Variants in DPF3 observed in about 807,000 individuals in gnomAD.
DPF3 encodes the protein zinc finger protein DPF3.
In DPF3, 18 loss-of-function variants were observed where a neutral mutation model predicts 56.8. The observed-to-expected ratio is 0.32, with a 90% CI of 0.22 to 0.47. The LOEUF (loss-of-function observed/expected upper bound fraction) is 0.47. DPF3 is among the 20% of genes least tolerant of loss of function. The probability of loss-of-function intolerance (pLI) is 1.00; values close to 1 mark genes in which losing one functional copy is unlikely to be tolerated. For synonymous variants in DPF3, 188 were observed against 180.2 expected (o/e 1.04, Z -0.35); for missense variants, 403 against 488.8 (o/e 0.82, Z 1.65).
rs1004246204 is a variant in DPF3 at position 72,834,507 on chromosome 14, A to G, written c.32+59550T>C. On this transcript the variant is annotated intron_variant, in intron 1 of 10. Coordinates refer to ENST00000556509, the MANE Select transcript of DPF3 (RefSeq NM_001280542.3). ...GTGAGACTGTCTCAAAAAAAAAAAAAAAAAAAAAATCAGATACCACTTCAC... is the reference window on the plus strand; with the variant it reads ...GTGAGACTGTCTCAAAAAAAAAAAAGAAAAAAAAATCAGATACCACTTCAC... Among the ~76,000 whole-genome samples the G allele has an allele frequency of 1.3e-4, 19 of 151,526 alleles. No individual in the cohort carries two copies. The East Asian group carries it at 3.3e-3, about 26-fold the overall frequency.
intron 1 of DPF3, among the ~76,000 whole-genome samples, chr14:72,874,072 T>TTAA (rs111727681): frequency 3.1e-5 from 4 of 129,756 alleles, no homozygotes; most frequent in South Asian, 2.4e-4. Flanking sequence ...TAAAGTATGA[T>TTAA]AAAAAAAAAA....
chr14:72,638,694 G>C (rs1885455391), intron 8 of DPF3, among the ~76,000 whole-genome samples: 1 of 152,134 alleles, frequency 6.6e-6, no homozygotes, highest in Non-Finnish European at 1.5e-5. Context: ...CCACAGAGTT[G>C]TGCTAAGTCA....
intron 1 of DPF3, among the ~76,000 whole-genome samples, chr14:72,866,160 T>A (rs1021870914): frequency 6.6e-6 from 1 of 152,192 alleles, no homozygotes; most frequent in South Asian, 2.1e-4. Context: ...GTAATTTAGT[T>A]TGATGGGCTA....
chr14:72,723,836 G>T, intron 4 of DPF3, 108 bp from the exon 5 acceptor site: 1 of 1,121,940 alleles, frequency 8.9e-7, no homozygotes, highest in South Asian at 1.4e-5. Flanking sequence ...TTTTAACAAA[G>T]TGAAGACGCT....
intron 8 of DPF3, among the ~76,000 whole-genome samples, chr14:72,652,910 G>T (rs1885958669): frequency 1.3e-5 from 2 of 152,116 alleles, no homozygotes; most frequent in South Asian, 4.2e-4. Flanking sequence ...GGGTAGGGTG[G>T]GAAGAGAGGT....
chr14:72,633,791 C>T (rs568422531), intron 8 of DPF3, among the ~76,000 whole-genome samples: 231 of 152,082 alleles, frequency 1.5e-3, no homozygotes, highest in African/African-American at 4.7e-3. Flanking sequence ...GAGGAGGGGC[C>T]GGGGGTGGCG....
At chr14:72,869,659 C>CAA (rs1396059642) in intron 1 of DPF3, among the ~76,000 whole-genome samples, 4 of 152,068 alleles carry the variant, frequency 2.6e-5, no homozygotes. Context: ...AGGTGGCTTA[C>CAA]CTCCTGGGGA....
intron 8 of DPF3, among the ~76,000 whole-genome samples, chr14:72,647,522 G>C (rs1420001581): frequency 6.6e-6 from 1 of 152,154 alleles, no homozygotes; most frequent in Non-Finnish European, 1.5e-5. Flanking sequence ...TCTTTTAGAA[G>C]ACAAAGCATT....
chr14:72,769,772 A>C (rs1404990872), intron 2 of DPF3, among the ~76,000 whole-genome samples: 2 of 151,906 alleles, frequency 1.3e-5, no homozygotes, highest in Admixed American at 6.6e-5. Context: ...TAATAGCTAC[A>C]CTGGATTAAA....
chr14:72,655,942 T>C (rs1425167089), intron 8 of DPF3, among the ~76,000 whole-genome samples: 4 of 152,060 alleles, frequency 2.6e-5, no homozygotes, highest in African/African-American at 9.7e-5. Flanking sequence ...TATCAGTGAG[T>C]TCCGCATCAG....
chr14:72,695,066 T>C (rs754069526), intron 6 of DPF3, among the ~76,000 whole-genome samples: 1 of 152,236 alleles, frequency 6.6e-6, no homozygotes, highest in Non-Finnish European at 1.5e-5. Context: ...TTGAGCTCAA[T>C]CTATAATTTT....
chr14:72,619,474 T>C, intron 10 of DPF3, 107 bp from the exon 11 acceptor site: 1 of 1,288,430 alleles, frequency 7.8e-7, no homozygotes, highest in Non-Finnish European at 1.1e-6. Flanking sequence ...ACTTTGGCAA[T>C]GCAGAAACCA....
At chr14:72,693,459 C>T (rs1403867455) in intron 6 of DPF3, among the ~76,000 whole-genome samples, 1 of 152,142 alleles carries the variant, frequency 6.6e-6, no homozygotes, top group African/African-American at 2.4e-5. Context: ...GAGCACTCCA[C>T]CGTTTCTAGC....
In DPF3 at chr14:72,609,952, G is replaced by A. The variant is rs1340092942; in HGVS notation, c.*9345C>T. On this transcript the variant is annotated 3_prime_UTR_variant, in exon 11 of 11. Coordinates refer to ENST00000556509, the MANE Select transcript of DPF3 (RefSeq NM_001280542.3). ...CGGCGTTGGGTCCCAAGGATCAGTGGGGAGGGTGTTCAAAAGAGCAAAAAG... is the reference window on the plus strand; with the variant it reads ...CGGCGTTGGGTCCCAAGGATCAGTGAGGAGGGTGTTCAAAAGAGCAAAAAG... Among the ~76,000 whole-genome samples the A allele has an allele frequency of 5.9e-5, 9 of 152,192 alleles. No homozygotes were observed. Among genetic ancestry groups the A allele is most frequent in the Non-Finnish European group, 1.2e-4 (8 of 68,038 alleles).
At chr14:72,683,609 A>G (rs1158157767) in intron 7 of DPF3, among the ~76,000 whole-genome samples, 1 of 152,172 alleles carries the variant, frequency 6.6e-6, no homozygotes, top group African/African-American at 2.4e-5. Context: ...CTAAGGTCAC[A>G]CGTTAGTCAG....
intron 8 of DPF3, chr14:72,662,828 T>G (rs1886271424): frequency 2.0e-6 from 2 of 984,822 alleles, no homozygotes; most frequent in Non-Finnish European, 2.4e-6. Flanking sequence ...CAGGTCATAA[T>G]GTTGACTGCA....
At chr14:72,853,673 G>C (rs1885072761) in intron 1 of DPF3, among the ~76,000 whole-genome samples, 1 of 151,842 alleles carries the variant, frequency 6.6e-6, no homozygotes, top group African/African-American at 2.4e-5. Flanking sequence ...CACTATGTTG[G>C]CCAGGATGGT....
chr14:72,646,720 G>A (rs142827415), intron 8 of DPF3, among the ~76,000 whole-genome samples: 1 of 152,176 alleles, frequency 6.6e-6, no homozygotes, highest in African/African-American at 2.4e-5. Context: ...TTTTCCTTTG[G>A]AGAACAAGGA....
intron 1 of DPF3, among the ~76,000 whole-genome samples, chr14:72,871,250 T>C (rs1161500022): frequency 6.6e-6 from 1 of 152,168 alleles, no homozygotes; most frequent in African/African-American, 2.4e-5. Flanking sequence ...ACCATATCAT[T>C]CTGCCCTTGG....
Sources: gnomAD v4.1 joint callset for allele counts (sites outside exome capture counted in the v4.1 genomes callset) on GRCh38, gnomAD v4.1.1 for gene constraint, MANE v1.5 for transcripts, NCBI Gene and HGNC (gene_info 2026-07-23, HGNC 2026-07-21) for gene names.